Variants in ATP2A2 observed in about 807,000 individuals in gnomAD.
ATP2A2 encodes sarcoplasmic/endoplasmic reticulum calcium ATPase 2.
A neutral mutation model predicts 109.3 loss-of-function variants in ATP2A2; 14 were observed. The observed-to-expected ratio is 0.13, with a 90% CI of 0.08 to 0.20. The LOEUF (loss-of-function observed/expected upper bound fraction) is 0.20. ATP2A2 is among the 10% of genes least tolerant of loss of function. The pLI is 1.00. For missense variants in ATP2A2, 657 were observed against 1,321.6 expected (o/e 0.50, Z 7.80); for synonymous variants, 506 against 490.9 (o/e 1.03, Z -0.41).
intron 5 of ATP2A2, among the ~76,000 whole-genome samples, chr12:110,300,123 C>G (rs1444514502): frequency 7.3e-6 from 1 of 137,630 alleles, no homozygotes; most frequent in African/African-American, 2.7e-5. Flanking sequence ...CTTTCCCTCC[C>G]CTCCCCTCCC....
intron 5 of ATP2A2, among the ~76,000 whole-genome samples, chr12:110,305,943 GCTT>G (rs1195108480): frequency 2.7e-5 from 4 of 150,718 alleles, no homozygotes; most frequent in Non-Finnish European, 5.9e-5. Context: ...CAAGTCTTGT[GCTT>G]CTTTTGTTAT....
In ATP2A2 at chr12:110,350,088, C is replaced by T; in HGVS notation, c.*3618C>T. Reference sequence around the variant, plus strand: ...CAGACGACACGAGGAGTCTGTGTCACTGAGCCAGTGCTTCTAGATGCTACC... The same window carrying T: ...CAGACGACACGAGGAGTCTGTGTCATTGAGCCAGTGCTTCTAGATGCTACC... On this transcript the variant is annotated 3_prime_UTR_variant, in exon 20 of 20. Coordinates refer to ENST00000539276, the MANE Select transcript of ATP2A2 (RefSeq NM_170665.4). The T allele has an allele frequency of 4.1e-6, 6 of 1,455,458 alleles. No homozygotes were observed. Among genetic ancestry groups the T allele is most frequent in the Non-Finnish European group, 5.4e-6 (6 of 1,109,060 alleles). 90.2% of individuals were successfully genotyped at this position (1,455,458 alleles called of 1,614,324 possible).
rs1227135586 is a variant in ATP2A2, at chr12:110,327,017, A to T, written c.631-536A>T. Among the ~76,000 whole-genome samples, 1 of 152,232 alleles carries T rather than the reference A, an allele frequency of 6.6e-6. No individual in the cohort carries two copies. Among genetic ancestry groups the T allele is most frequent in the African/African-American group, 2.4e-5 (1 of 41,468 alleles). On this transcript the variant is annotated intron_variant, in intron 7 of 19. Coordinates refer to ENST00000539276, the MANE Select transcript of ATP2A2 (RefSeq NM_170665.4). The surrounding 1 kb of genome is among the most constrained non-coding windows in gnomAD (Gnocchi z 4.4). ...TTGTATGAGAACCTGACTACTACCC[A>T]TAGTAAGTAAATAGAGGTACCCTGA...
rs1264107138 is a variant in ATP2A2, at chr12:110,350,761, T to G, written c.*4291T>G. The G allele has an allele frequency of 5.6e-6, 1 of 177,614 alleles. No individual in the cohort carries two copies. Among genetic ancestry groups the G allele is most frequent in the African/African-American group, 2.4e-5 (1 of 42,044 alleles). The allele number at this position is 177,614 out of a possible 1,614,324, so 11.0% of individuals were successfully genotyped here. ...ACTTTTTAATTGGCCCTGTACAGTT[T>G]GCTTATTTATAAATTCATTAAAAAC... On this transcript the variant is annotated 3_prime_UTR_variant, in exon 20 of 20. Transcript: ENST00000539276.
intron 5 of ATP2A2, among the ~76,000 whole-genome samples, chr12:110,319,341 T>G (rs1877012726): frequency 6.6e-6 from 1 of 151,714 alleles, no homozygotes; most frequent in East Asian, 1.9e-4. Flanking sequence ...TTTCTAAATA[T>G]TTAATTGCCA....
At position 110,340,519 on chromosome 12, in the gene ATP2A2, C is replaced by T. The variant is rs1592860528; in HGVS notation, c.1762-140C>T. On this transcript the variant is annotated intron_variant, in intron 13 of 19. Coordinates refer to ENST00000539276, the MANE Select transcript of ATP2A2 (RefSeq NM_170665.4). This position sits in a 1 kb window ranked among gnomAD's most constrained non-coding sequence, Gnocchi z 6.0. ...CGCCATGGCACTCCAGCCTGGGCAA[C>T]AAGAGCGAAACTCCGCCTCAAAAAA... The T allele has an allele frequency of 1.1e-6, 1 of 949,580 alleles. No homozygotes were observed. The highest frequency in any genetic ancestry group is 2.6e-5 in the Admixed American group (1 of 37,882). The allele number at this position is 949,580 out of a possible 1,614,324, so 58.8% of individuals were successfully genotyped here.
Position 110,334,047 on chromosome 12 carries a change from A to G in ATP2A2, c.1323A>G (p.Thr441=), listed in dbSNP as rs148550709. 575 of 1,614,200 alleles carry G rather than the reference A, an allele frequency of 3.6e-4. 2 individuals are homozygous for G. In the African/African-American group the frequency reaches 6.6e-3, roughly 19 times the overall value. The change falls in exon 11 of 20, where the codon ACA becomes ACG. Residue 441 remains threonine (T), a synonymous_variant. Coordinates refer to ENST00000539276, the MANE Select transcript of ATP2A2 (RefSeq NM_170665.4). ...TGTATGAAAAAGTTGGAGAAGCTAC[A>G]GAGACTGCTCTCACTTGCCTAGTAG... The part of the protein sequence containing the change: ...KGVYEKVGEA[T]ETALTCLVEK...
intron 5 of ATP2A2, among the ~76,000 whole-genome samples, chr12:110,306,660 C>T (rs1317685952): frequency 6.6e-6 from 1 of 152,208 alleles, no homozygotes; most frequent in Non-Finnish European, 1.5e-5. Flanking sequence ...TCTCTGGCTG[C>T]ATCCATTTTG....
chr12:110,341,654 C>T (rs1000592023), intron 14 of ATP2A2, among the ~76,000 whole-genome samples: 1 of 152,108 alleles, frequency 6.6e-6, no homozygotes, highest in African/African-American at 2.4e-5. Flanking sequence ...AGGTGAATCA[C>T]TTGGGGTCAG....
chr12:110,312,658 T>C (rs1185466678), intron 5 of ATP2A2, among the ~76,000 whole-genome samples: 1 of 151,978 alleles, frequency 6.6e-6, no homozygotes, highest in African/African-American at 2.4e-5. Flanking sequence ...GAGACCAGCC[T>C]GGCCAACACT....
Position 110,326,396 on chromosome 12 carries a change from C to G in ATP2A2, c.551C>G (p.Ser184Cys). 6.2e-7 allele frequency: 1 copy of G among 1,613,950 alleles called. No homozygotes were observed. The highest frequency in any genetic ancestry group is 2.2e-5 in the East Asian group (1 of 44,884). Reference protein sequence around the residue: ...RVDQSILTGESVSVIKHTDPV... With the variant: ...RVDQSILTGECVSVIKHTDPV... ...TGTCTCACAACCCGCTTAGGTGAAT[C>G]TGTCTCTGTCATCAAGCACACTGAT... Residue 184 changes from serine (S) to cysteine (C), a missense_variant, in exon 7 of 20, where the codon TCT becomes TGT. This residue lies in a region of ATP2A2 where 136 missense variants were observed against 343.9 expected (regional missense o/e 0.40). Coordinates refer to ENST00000539276, the MANE Select transcript of ATP2A2 (RefSeq NM_170665.4).
intron 5 of ATP2A2, among the ~76,000 whole-genome samples, chr12:110,304,469 T>C (rs1875042805): frequency 1.3e-5 from 2 of 152,222 alleles, no homozygotes; most frequent in Non-Finnish European, 2.9e-5. Flanking sequence ...GTCTATCGTT[T>C]TAAAGTTTTA....
rs7964149 is a variant in ATP2A2, at chr12:110,339,055, A to G, written c.1420-226A>G. 1.3e-5 allele frequency among the ~76,000 whole-genome samples: 2 copies of G among 152,124 alleles called. No homozygotes were observed. The highest frequency in any genetic ancestry group is 1.9e-4 in the East Asian group (1 of 5,184). ...GTAACAGTTCATATGTATGTATGCA[A>G]ATTTTCTATCCCCCTTCCCTTTTTC... On this transcript the variant is annotated intron_variant, in intron 11 of 19. Transcript: ENST00000539276. The surrounding 1 kb of genome is among the most constrained non-coding windows in gnomAD (Gnocchi z 4.4).
Position 110,287,262 on chromosome 12 carries a change from T to A in ATP2A2, c.219+4467T>A, listed in dbSNP as rs75108245. Reference sequence around the variant, plus strand: ...AGTGAGACTCCGTCTCAAAAAAAAATTTTTTTTTTGCTTTAGTATACTTAT... The same window carrying A: ...AGTGAGACTCCGTCTCAAAAAAAAAATTTTTTTTTGCTTTAGTATACTTAT... On this transcript the variant is annotated intron_variant, in intron 3 of 19. Coordinates refer to ENST00000539276, the MANE Select transcript of ATP2A2 (RefSeq NM_170665.4). Among the ~76,000 whole-genome samples the A allele has an allele frequency of 9.0e-3, 1,345 of 150,272 alleles. 3 individuals are homozygous for A. The highest frequency in any genetic ancestry group is 9.5e-3 in the Non-Finnish European group (642 of 67,420).
intron 4 of ATP2A2, among the ~76,000 whole-genome samples, chr12:110,294,151 C>T (rs1186924355): frequency 6.6e-6 from 1 of 152,010 alleles, no homozygotes; most frequent in East Asian, 1.9e-4. Flanking sequence ...TCACGCCATT[C>T]TCCTGTCTCA....
chr12:110,319,873 G>A (rs1422899845), intron 5 of ATP2A2, among the ~76,000 whole-genome samples: 1 of 152,010 alleles, frequency 6.6e-6, no homozygotes, highest in Non-Finnish European at 1.5e-5. Flanking sequence ...AAAGCTCAAA[G>A]ATCAGAAACT....
intron 5 of ATP2A2, among the ~76,000 whole-genome samples, chr12:110,321,112 C>T (rs752047158): frequency 1.3e-5 from 2 of 152,108 alleles, no homozygotes; most frequent in East Asian, 1.9e-4. Flanking sequence ...CCTGTAGTCC[C>T]GGTTGATCAG....
rs1468831080 is a variant in ATP2A2, at chr12:110,307,236, T to TC, written c.463+10499_463+10500insC. Among the ~76,000 whole-genome samples, 28 of 147,660 alleles carry TC rather than the reference T, an allele frequency of 1.9e-4. 1 individual carries two copies. Among genetic ancestry groups the TC allele is most frequent in the South Asian group, 1.8e-3 (8 of 4,546 alleles). ...AGCCCCACCACCTTTTTTTTTTTTT[T>TC]TTTCTTTTTTTTTGAGGCAGGATCT... is the stretch of plus-strand genomic sequence containing the variant. On this transcript the variant is annotated intron_variant, in intron 5 of 19. Coordinates refer to ENST00000539276, the MANE Select transcript of ATP2A2 (RefSeq NM_170665.4).
chr12:110,299,862 C>T (rs1263389450), intron 5 of ATP2A2, among the ~76,000 whole-genome samples: 2 of 152,156 alleles, frequency 1.3e-5, no homozygotes, highest in Non-Finnish European at 2.9e-5. Context: ...TGGGCTCAGG[C>T]AGTCCTGCCT....
Sources: gnomAD v4.1 joint callset for allele counts (sites outside exome capture counted in the v4.1 genomes callset) on GRCh38, gnomAD v4.1.1 for gene constraint, gnomAD v4.1.1 regional missense constraint, Gnocchi (gnomAD v3.1) non-coding constraint, MANE v1.5 for transcripts, NCBI Gene and HGNC (gene_info 2026-07-23, HGNC 2026-07-21) for gene names.